Variants in SENP6 observed in about 807,000 individuals in gnomAD.
The protein encoded by SENP6 is SUMO specific peptidase 6.
SENP6 carries 41 observed loss-of-function variants against 134.5 expected under a neutral mutation model. The ratio of observed to expected loss-of-function variants is 0.30; its 90% CI spans 0.24 to 0.40. SENP6 has a LOEUF of 0.40. Ranked by LOEUF, SENP6 falls within the 10% of genes least tolerant of loss-of-function variation. The pLI, the probability that SENP6 is intolerant of heterozygous loss-of-function variation, is 1.00. For missense variants in SENP6, 1,248 were observed against 1,312.5 expected, an observed-to-expected ratio of 0.95 and a Z score of 0.76; for synonymous variants, 395 against 429.8, an observed-to-expected ratio of 0.92 and a Z score of 1.00.
Position 75,713,894 on chromosome 6 carries a change from A to T in SENP6, c.3129+69A>T. The stretch of plus-strand genomic sequence containing the variant: ...AGTGCATTTGACTTTACCTTAGTAA[A>T]AAACACAATAAGCAAATATTTTAAA... On this transcript the variant is annotated intron_variant, in intron 23 of 23. Transcript: ENST00000447266. 2.7e-6 allele frequency: 3 copies of T among 1,129,654 alleles called. 1 individual carries two copies. Among genetic ancestry groups the T allele is most frequent in the Non-Finnish European group, 1.2e-6 (1 of 808,352 alleles). The allele number at this position is 1,129,654 out of a possible 1,614,324, so 70.0% of individuals were successfully genotyped here.
At chr6:75,649,793 G>A (rs1435415686) in intron 7 of SENP6, among the ~76,000 whole-genome samples, 3 of 152,154 alleles carry the variant, frequency 2.0e-5, no homozygotes, top group African/African-American at 4.8e-5. Flanking sequence ...GGGATTACAC[G>A]CGTCAGCCAC....
chr6:75,701,792 A>G (rs1775051839), intron 18 of SENP6, among the ~76,000 whole-genome samples: 2 of 151,892 alleles, frequency 1.3e-5, no homozygotes, highest in Admixed American at 6.6e-5. Context: ...GGCGCACACT[A>G]CCACGCCCAG....
intron 11 of SENP6, among the ~76,000 whole-genome samples, chr6:75,674,158 T>G (rs1772902037): frequency 6.8e-6 from 1 of 146,966 alleles, no homozygotes; most frequent in African/African-American, 2.5e-5. Flanking sequence ...TTTTTTTTTT[T>G]TTTTTTTTTT....
At chr6:75,701,386 TA>T (rs1302617305) in intron 18 of SENP6, among the ~76,000 whole-genome samples, 1 of 152,230 alleles carries the variant, frequency 6.6e-6, no homozygotes, top group Non-Finnish European at 1.5e-5. Flanking sequence ...ACCTACTTGA[TA>T]GCTGGAACTC....
chr6:75,682,748 T>C, intron 16 of SENP6, among the ~76,000 whole-genome samples: 1 of 152,240 alleles, frequency 6.6e-6, no homozygotes, highest in Admixed American at 6.5e-5. Context: ...TCCTTTTTTA[T>C]GGCTGCATAG....
chr6:75,672,136 T>C (rs1772729055), intron 11 of SENP6, among the ~76,000 whole-genome samples: 1 of 152,212 alleles, frequency 6.6e-6, no homozygotes, highest in African/African-American at 2.4e-5. Context: ...TCTTTCCTGG[T>C]TTCTGTCAAT....
chr6:75,607,492 T>C (rs575419766), intron 1 of SENP6, among the ~76,000 whole-genome samples: 6 of 152,292 alleles, frequency 3.9e-5, no homozygotes, highest in Non-Finnish European at 8.8e-5. Flanking sequence ...CTACCTACTC[T>C]CTTATACATT....
intron 16 of SENP6, among the ~76,000 whole-genome samples, chr6:75,695,229 G>A (rs1348049204): frequency 1.3e-5 from 2 of 152,156 alleles, no homozygotes; most frequent in African/African-American, 4.8e-5. Flanking sequence ...CTGTTTCTCA[G>A]GCTGGAGTGC....
At chr6:75,692,861 C>T (rs777316472) in intron 16 of SENP6, among the ~76,000 whole-genome samples, 4 of 151,784 alleles carry the variant, frequency 2.6e-5, no homozygotes, top group African/African-American at 4.8e-5. Flanking sequence ...CCCAGAAGTT[C>T]GAGATCAGCC....
chr6:75,666,268 ATATATAT>A (rs896475208), intron 9 of SENP6, among the ~76,000 whole-genome samples: 2 of 147,288 alleles, frequency 1.4e-5, no homozygotes, highest in Admixed American at 6.8e-5. Flanking sequence ...TATATATAAA[ATATATAT>A]TATATATATA....
chr6:75,628,151 A>G (rs1768841336), intron 3 of SENP6, among the ~76,000 whole-genome samples: 1 of 152,156 alleles, frequency 6.6e-6, no homozygotes, highest in Non-Finnish European at 1.5e-5. Context: ...CCATCTCTTA[A>G]CAGTTAGAAA....
intron 21 of SENP6, among the ~76,000 whole-genome samples, chr6:75,713,154 T>G (rs1775850428): frequency 6.6e-6 from 1 of 152,170 alleles, no homozygotes; most frequent in Non-Finnish European, 1.5e-5. Flanking sequence ...TTCATGGTCC[T>G]TTTGTTGATT....
chr6:75,608,281 C>T (rs921483082), intron 1 of SENP6, among the ~76,000 whole-genome samples: 12 of 151,920 alleles, frequency 7.9e-5, no homozygotes, highest in African/African-American at 2.7e-4. Flanking sequence ...GGCAACATAA[C>T]GAGGCCCCAT....
At chr6:75,634,664 A>G in intron 4 of SENP6, 43 bp from the exon 5 acceptor site, 1 of 1,148,226 alleles carries the variant, frequency 8.7e-7, no homozygotes, top group Non-Finnish European at 1.3e-6. Flanking sequence ...TGTGTATATA[A>G]TTTTTCCGTG....
Position 75,659,264 on chromosome 6 carries a change from C to T in SENP6, c.553C>T (p.Arg185Cys), listed in dbSNP as rs754904221. The T allele has an allele frequency of 2.0e-5, 32 of 1,590,408 alleles. No homozygotes were observed. Among genetic ancestry groups the T allele is most frequent in the Non-Finnish European group, 2.6e-5 (30 of 1,172,656 alleles). Residue 185 changes from arginine to cysteine, a missense_variant and splice_region_variant, in exon 8 of 24, where the codon CGT (arginine) becomes TGT (cysteine). Physicochemically the swap from Arg to Cys is radical, Grantham distance 180 (BLOSUM62 -3). This residue lies in a region of SENP6 where 733 missense variants were observed against 725.4 expected (regional missense o/e 1.01). Coordinates refer to ENST00000447266, the MANE Select transcript of SENP6 (RefSeq NM_015571.4). Reference protein sequence around the residue: ...VRLSRLQGVERIMKKTEESES... With the variant: ...VRLSRLQGVECIMKKTEESES... Reference sequence around the variant, plus strand: ...TTATTTTTTTCTCCTTCCTTTAGAACGTATAATGAAGAAAACAGAAGAGTC... The same window carrying T: ...TTATTTTTTTCTCCTTCCTTTAGAATGTATAATGAAGAAAACAGAAGAGTC...
chr6:75,626,026 T>C (rs577910561), intron 3 of SENP6, among the ~76,000 whole-genome samples: 19 of 152,322 alleles, frequency 1.2e-4, no homozygotes, highest in African/African-American at 4.6e-4. Flanking sequence ...GGTATATGTA[T>C]AGTTCCACTA....
At chr6:75,648,264 T>C (rs1318274016) in intron 7 of SENP6, among the ~76,000 whole-genome samples, 2 of 152,168 alleles carry the variant, frequency 1.3e-5, no homozygotes, top group Non-Finnish European at 2.9e-5. Context: ...TATATTCATA[T>C]TGAAATATTT....
chr6:75,680,307 T>C (rs1361833136), intron 16 of SENP6, among the ~76,000 whole-genome samples: 1 of 152,180 alleles, frequency 6.6e-6, no homozygotes, highest in Non-Finnish European at 1.5e-5. Flanking sequence ...AGTTCCCTTT[T>C]AGAGGTCTGT....
chr6:75,635,065 T>TA (rs1222284480), intron 5 of SENP6: 1 of 528,466 alleles, frequency 1.9e-6, no homozygotes, highest in African/African-American at 1.9e-5. Context: ...TCTAAGATGA[T>TA]ACTGAAACTG....
Sources: gnomAD v4.1 joint callset for allele counts (sites outside exome capture counted in the v4.1 genomes callset) on GRCh38, gnomAD v4.1.1 for gene constraint, gnomAD v4.1.1 regional missense constraint, MANE v1.5 for transcripts, NCBI Gene and HGNC (gene_info 2026-07-23, HGNC 2026-07-21) for gene names.